RNGTT: variants seen among roughly 807,000 people sequenced by gnomAD.
The protein encoded by RNGTT is RNA guanylyltransferase and 5'-phosphatase, also known as mRNA-capping enzyme.
In RNGTT, 33 loss-of-function variants were observed where a neutral mutation model predicts 79.3. The observed-to-expected ratio is 0.42, with a 90% CI of 0.32 to 0.56. RNGTT has a LOEUF of 0.56. Ranked by LOEUF, RNGTT falls within the 20% of genes least tolerant of loss-of-function variation. The pLI is 0.17. For synonymous variants in RNGTT, 222 were observed against 235.9 expected, an observed-to-expected ratio of 0.94 and a Z score of 0.54; for missense variants, 497 against 739.1, an observed-to-expected ratio of 0.67 and a Z score of 3.80.
At chr6:88,770,794 C>T (rs1778628817) in intron 12 of RNGTT, among the ~76,000 whole-genome samples, 1 of 152,198 alleles carries the variant, frequency 6.6e-6, no homozygotes, top group Non-Finnish European at 1.5e-5. Context: ...TGTCAGTCTT[C>T]TTAATTTAGC....
At chr6:88,918,922 G>A (rs1297637987) in intron 4 of RNGTT, among the ~76,000 whole-genome samples, 1 of 151,602 alleles carries the variant, frequency 6.6e-6, no homozygotes, top group Non-Finnish European at 1.5e-5. Context: ...AATAGGAAAT[G>A]TAATAATAAT....
At chr6:88,829,821 A>G (rs1050463992) in intron 11 of RNGTT, among the ~76,000 whole-genome samples, 1 of 152,198 alleles carries the variant, frequency 6.6e-6, no homozygotes, top group African/African-American at 2.4e-5. Context: ...AAAGGGATCA[A>G]TGCAACAAGA....
chr6:88,716,456 C>T (rs1227363700), intron 13 of RNGTT, among the ~76,000 whole-genome samples: 2 of 152,192 alleles, frequency 1.3e-5, no homozygotes. Context: ...ACCCAGTCAT[C>T]CCATTACTGG....
intron 9 of RNGTT, among the ~76,000 whole-genome samples, chr6:88,851,549 A>C (rs934086780): frequency 1.3e-5 from 2 of 152,022 alleles, no homozygotes; most frequent in African/African-American, 4.8e-5. Flanking sequence ...TCTCAATATT[A>C]AGTTGATTAA....
At chr6:88,670,008 TTGAC>T (rs1774569830) in intron 14 of RNGTT, among the ~76,000 whole-genome samples, 1 of 152,206 alleles carries the variant, frequency 6.6e-6, no homozygotes, top group Non-Finnish European at 1.5e-5. Context: ...TGGCAGAACT[TTGAC>T]TGTTAGCCCG....
rs1473252258 is a variant in RNGTT at position 88,910,850 on chromosome 6, G to T, written c.368-4410C>A. 2.0e-5 allele frequency among the ~76,000 whole-genome samples: 3 copies of T among 152,168 alleles called. No homozygotes were observed. In the East Asian group the frequency reaches 5.8e-4, roughly 29 times the overall value. On this transcript the variant is annotated intron_variant, in intron 4 of 15. Transcript: ENST00000369485. Reference sequence around the variant, plus strand: ...GAGGCCTATATTTAGCATCCTAGGAGAAATTCCAGCCAAGAATTCCATATC... The same window carrying T: ...GAGGCCTATATTTAGCATCCTAGGATAAATTCCAGCCAAGAATTCCATATC...
intron 1 of RNGTT, among the ~76,000 whole-genome samples, chr6:88,951,290 C>A (rs900123253): frequency 6.6e-6 from 1 of 152,158 alleles, no homozygotes; most frequent in Non-Finnish European, 1.5e-5. Flanking sequence ...AATCTAGCCC[C>A]AGTTAAGATG....
intron 4 of RNGTT, among the ~76,000 whole-genome samples, chr6:88,910,562 G>C (rs560955800): frequency 6.6e-6 from 1 of 152,252 alleles, no homozygotes; most frequent in African/African-American, 2.4e-5. Context: ...CACCATGAAA[G>C]ACATATTTGA....
intron 11 of RNGTT, among the ~76,000 whole-genome samples, chr6:88,809,347 G>C (rs1054929154): frequency 2.6e-5 from 4 of 152,062 alleles, no homozygotes; most frequent in African/African-American, 7.2e-5. Flanking sequence ...AAAATCACTA[G>C]TAGTAAAGAC....
intron 13 of RNGTT, among the ~76,000 whole-genome samples, chr6:88,727,900 T>G (rs1776973089): frequency 6.6e-6 from 1 of 152,170 alleles, no homozygotes; most frequent in Admixed American, 6.5e-5. Flanking sequence ...CCCCTAGAAT[T>G]TCCGGTAAAC....
At chr6:88,957,663 T>C (rs1477342864) in intron 1 of RNGTT, among the ~76,000 whole-genome samples, 2 of 152,106 alleles carry the variant, frequency 1.3e-5, no homozygotes, top group East Asian at 1.9e-4. Context: ...CTTAGGAATA[T>C]ACCTAACCAA....
chr6:88,635,360 A>G (rs970468951), intron 14 of RNGTT, among the ~76,000 whole-genome samples: 1 of 152,086 alleles, frequency 6.6e-6, no homozygotes, highest in African/African-American at 2.4e-5. Flanking sequence ...TACACAGAGG[A>G]ATAAATCAGG....
At chr6:88,800,452 C>G (rs564383900) in intron 12 of RNGTT, among the ~76,000 whole-genome samples, 1 of 152,020 alleles carries the variant, frequency 6.6e-6, no homozygotes, top group South Asian at 2.1e-4. Flanking sequence ...TTTCTTTGAC[C>G]CCAGGCACCC....
chr6:88,942,625 C>T (rs1582158701), intron 1 of RNGTT, among the ~76,000 whole-genome samples: 1 of 152,280 alleles, frequency 6.6e-6, no homozygotes, highest in Middle Eastern at 3.4e-3. Flanking sequence ...CCTACCTCGG[C>T]CTCCCAAAAT....
chr6:88,770,469 T>C (rs1482964145), intron 12 of RNGTT, among the ~76,000 whole-genome samples: 7 of 152,228 alleles, frequency 4.6e-5, no homozygotes, highest in Non-Finnish European at 8.8e-5. Context: ...CTGGTGCATA[T>C]ACTAGTAGTA....
At chr6:88,848,007 A>T (rs1049109939) in intron 10 of RNGTT, among the ~76,000 whole-genome samples, 3 of 152,000 alleles carry the variant, frequency 2.0e-5, no homozygotes. Context: ...AGGGAAAAAA[A>T]CAGACAACCA....
chr6:88,827,704 G>A (rs1336561785), intron 11 of RNGTT, among the ~76,000 whole-genome samples: 1 of 152,156 alleles, frequency 6.6e-6, no homozygotes, highest in Non-Finnish European at 1.5e-5. Context: ...AGCTTGGTGG[G>A]GGGAGGGGCG....
intron 14 of RNGTT, among the ~76,000 whole-genome samples, chr6:88,632,536 G>GACACAC (rs1300944817): frequency 2.7e-3 from 270 of 98,454 alleles, no homozygotes; most frequent in South Asian, 1.0e-2. Context: ...CAGACACACA[G>GACACAC]ACACACAGAC....
At chr6:88,927,071 T>G (rs996307118) in intron 4 of RNGTT, among the ~76,000 whole-genome samples, 1 of 152,100 alleles carries the variant, frequency 6.6e-6, no homozygotes, top group African/African-American at 2.4e-5. Flanking sequence ...CACAAAAAAA[T>G]TTGATGAAAA....
Sources: gnomAD v4.1 joint callset for allele counts (sites outside exome capture counted in the v4.1 genomes callset) on GRCh38, gnomAD v4.1.1 for gene constraint, MANE v1.5 for transcripts, NCBI Gene and HGNC (gene_info 2026-07-23, HGNC 2026-07-21) for gene names.